The following MYO16 variants were observed in gnomAD, a reference collection of about 807,000 sequenced individuals.
MYO16 encodes the protein myosin XVI.
In MYO16, 94 loss-of-function variants were observed where a neutral mutation model predicts 205.3. The observed-to-expected ratio is 0.46, with a 90% CI of 0.39 to 0.54. The LOEUF (loss-of-function observed/expected upper bound fraction) is 0.54. Among genes scored for constraint, MYO16 ranks in the 20% least tolerant of loss-of-function variants. MYO16 has a pLI of 0.00. For missense variants in MYO16, 2,315 were observed against 2,387.5 expected, an observed-to-expected ratio of 0.97 and a Z score of 0.63; for synonymous variants, 988 against 954.0, an observed-to-expected ratio of 1.04 and a Z score of -0.66.
At chr13:108,575,248 A>T in the MYO16 span, among the ~76,000 whole-genome samples, 1 of 152,170 alleles carries the variant, frequency 6.6e-6, no homozygotes, top group African/African-American at 2.4e-5. Flanking sequence ...GAGCTTGTAC[A>T]TCTCTCCAGA....
the MYO16 span, among the ~76,000 whole-genome samples, chr13:108,564,132 T>C: frequency 3.3e-5 from 5 of 152,202 alleles, 1 homozygote; most frequent in Middle Eastern, 0.01. Context: ...TTCATTTGTC[T>C]GTCTTCTTTT....
At chr13:108,690,682 G>A (rs755295167) in intron 2 of MYO16, among the ~76,000 whole-genome samples, 1 of 151,988 alleles carries the variant, frequency 6.6e-6, no homozygotes, top group African/African-American at 2.4e-5. Flanking sequence ...ACTTTTTTGG[G>A]TAATAAACAT....
intron 28 of MYO16, among the ~76,000 whole-genome samples, chr13:109,112,612 A>G (rs1478186355): frequency 2.0e-5 from 3 of 152,028 alleles, no homozygotes; most frequent in Admixed American, 6.6e-5. Context: ...AAAATTAGCC[A>G]GGCACGGTGG....
chr13:108,773,612 T>C (rs1053443915), intron 4 of MYO16, among the ~76,000 whole-genome samples: 10 of 152,272 alleles, frequency 6.6e-5, no homozygotes, highest in Admixed American at 3.9e-4. Flanking sequence ...TTAAGGCCCA[T>C]CCTACTCCAG....
At chr13:108,520,639 A>G in the MYO16 span, among the ~76,000 whole-genome samples, 8 of 151,716 alleles carry the variant, frequency 5.3e-5, no homozygotes, top group African/African-American at 1.9e-4. Context: ...TTTACAATTT[A>G]TTAATACATT....
intron 33 of MYO16, chr13:109,166,873 A>T (rs779065632): frequency 1.3e-5 from 2 of 152,208 alleles, no homozygotes; most frequent in Admixed American, 6.5e-5. Flanking sequence ...ATTATTTCAT[A>T]GTTTCTGTGG....
chr13:109,161,722 A>T (rs1161568460), intron 32 of MYO16, among the ~76,000 whole-genome samples: 1 of 152,224 alleles, frequency 6.6e-6, no homozygotes, highest in Non-Finnish European at 1.5e-5. Context: ...TTAAAATTTA[A>T]TTATAAATTA....
intron 1 of MYO16, among the ~76,000 whole-genome samples, chr13:108,651,105 G>A (rs1416291732): frequency 6.6e-6 from 1 of 152,196 alleles, no homozygotes; most frequent in East Asian, 1.9e-4. Flanking sequence ...TTGGTTCCCA[G>A]GGCAGGGCTT....
intron 27 of MYO16, among the ~76,000 whole-genome samples, chr13:109,069,070 A>G (rs1411546055): frequency 1.3e-5 from 2 of 152,178 alleles, no homozygotes; most frequent in Non-Finnish European, 2.9e-5. Context: ...AACCAGAATA[A>G]ATGAAAGTGT....
chr13:108,902,898 A>C (rs1173059852), intron 15 of MYO16, among the ~76,000 whole-genome samples: 3 of 152,184 alleles, frequency 2.0e-5, no homozygotes, highest in East Asian at 3.8e-4. Flanking sequence ...AAAATTCTCA[A>C]AACAAACAGT....
chr13:108,569,989 C>T, the MYO16 span, among the ~76,000 whole-genome samples: 1 of 152,012 alleles, frequency 6.6e-6, no homozygotes, highest in African/African-American at 2.4e-5. Context: ...TCCTAATTGG[C>T]CATGGTGTAT....
chr13:108,574,669 TTGTGTGTG>T, the MYO16 span, among the ~76,000 whole-genome samples: 2,970 of 136,568 alleles, frequency 0.022, 43 homozygotes, highest in Middle Eastern at 0.091. Flanking sequence ...CAATAACAAT[TTGTGTGTG>T]TGTGTGTGTG....
intron 20 of MYO16, among the ~76,000 whole-genome samples, chr13:108,981,190 G>A (rs1884436771): frequency 6.6e-6 from 1 of 152,192 alleles, no homozygotes; most frequent in Admixed American, 6.5e-5. Flanking sequence ...CGCAGGCGAG[G>A]TTATCCTGTA....
chr13:108,540,703 A>G, the MYO16 span, among the ~76,000 whole-genome samples: 1 of 152,082 alleles, frequency 6.6e-6, no homozygotes, highest in East Asian at 1.9e-4. Flanking sequence ...AATTTCTTCA[A>G]CTGCTTCCAT....
At chr13:108,813,615 A>G (rs1887361672) in intron 7 of MYO16, among the ~76,000 whole-genome samples, 1 of 152,190 alleles carries the variant, frequency 6.6e-6, no homozygotes, top group African/African-American at 2.4e-5. Context: ...ATATCCAGTA[A>G]CTAATATTAA....
chr13:108,508,390 T>A, the MYO16 span, among the ~76,000 whole-genome samples: 1 of 152,176 alleles, frequency 6.6e-6, no homozygotes, highest in African/African-American at 2.4e-5. Context: ...CTGGCTAGTA[T>A]GTGTAATTTT....
At chr13:109,170,961 C>T (rs2139892862) in intron 33 of MYO16, among the ~76,000 whole-genome samples, 1 of 152,262 alleles carries the variant, frequency 6.6e-6, no homozygotes, top group African/African-American at 2.4e-5. Context: ...TTGAAAATCT[C>T]AAGAGTTATG....
chr13:108,988,680 G>C (rs1351668622), intron 20 of MYO16, among the ~76,000 whole-genome samples: 1 of 152,154 alleles, frequency 6.6e-6, no homozygotes, highest in Admixed American at 6.5e-5. Flanking sequence ...AGGGAGGTAG[G>C]TATGAAGTGA....
chr13:108,971,281 C>A (rs1883997905), intron 20 of MYO16, among the ~76,000 whole-genome samples: 2 of 151,376 alleles, frequency 1.3e-5, no homozygotes, highest in African/African-American at 4.9e-5. Context: ...TCTCCAAATG[C>A]CTTCAAACAT....
Sources: gnomAD v4.1 joint callset for allele counts (sites outside exome capture counted in the v4.1 genomes callset) on GRCh38, gnomAD v4.1.1 for gene constraint, MANE v1.5 for transcripts, NCBI Gene and HGNC (gene_info 2026-07-23, HGNC 2026-07-21) for gene names.